The following RASAL2 variants were observed in gnomAD, a reference collection of about 807,000 sequenced individuals.
RASAL2 encodes the protein ras GTPase-activating protein nGAP.
RASAL2 carries 58 observed loss-of-function variants against 128.9 expected under a neutral mutation model. The ratio of observed to expected loss-of-function variants is 0.45; its 90% CI spans 0.36 to 0.56. The LOEUF (loss-of-function observed/expected upper bound fraction) is 0.56, where lower values mean the gene tolerates loss of function less well. Ranked by LOEUF, RASAL2 falls within the 20% of genes least tolerant of loss-of-function variation. The pLI is 0.00. For missense variants in RASAL2, 1,360 were observed against 1,601.6 expected, an observed-to-expected ratio of 0.85 and a Z score of 2.57; for synonymous variants, 561 against 580.8, an observed-to-expected ratio of 0.97 and a Z score of 0.49.
intron 2 of RASAL2, among the ~76,000 whole-genome samples, chr1:178,296,877 G>A (rs956846962): frequency 6.6e-6 from 1 of 151,644 alleles, no homozygotes; most frequent in African/African-American, 2.4e-5. Flanking sequence ...TCACCATGTT[G>A]GTCAGGCTGG....
At chr1:178,273,566 A>G (rs373016471) in intron 1 of RASAL2, among the ~76,000 whole-genome samples, 2 of 152,178 alleles carry the variant, frequency 1.3e-5, no homozygotes, top group African/African-American at 4.8e-5. Flanking sequence ...GAACTTTCTG[A>G]TGGATTACGT....
chr1:178,367,284 A>G (rs550201455), intron 3 of RASAL2, among the ~76,000 whole-genome samples: 14 of 152,052 alleles, frequency 9.2e-5, no homozygotes, highest in Admixed American at 5.2e-4. Context: ...TTTTATTGGT[A>G]GTTCCTTCTT....
At chr1:178,429,367 C>T (rs1675737160) in intron 5 of RASAL2, among the ~76,000 whole-genome samples, 1 of 152,110 alleles carries the variant, frequency 6.6e-6, no homozygotes, top group Non-Finnish European at 1.5e-5. Context: ...ATCTTTTACC[C>T]TTCTCCCTTG....
rs1411600493 is a variant in RASAL2 at position 178,162,375 on chromosome 1, ATATT to A, written c.202+67685_202+67688del. On this transcript the variant is annotated intron_variant, in intron 1 of 17. Coordinates refer to ENST00000367649, the MANE Select transcript of RASAL2 (RefSeq NM_170692.4). ...ATAATATATAATATACATATAATAT[ATATT>A]TATATATTATATATATTATATATTT... Among the ~76,000 whole-genome samples the A allele has an allele frequency of 5.0e-5, 6 of 119,700 alleles. No individual in the cohort carries two copies. The East Asian group carries it at 6.2e-4, about 12-fold the overall frequency. 78.5% of individuals were successfully genotyped at this position (119,700 alleles called of 152,430 possible).
At chr1:178,468,475 A>G (rs1198962351) in intron 17 of RASAL2, among the ~76,000 whole-genome samples, 2 of 152,194 alleles carry the variant, frequency 1.3e-5, no homozygotes, top group African/African-American at 4.8e-5. Context: ...TACAGAGTCC[A>G]TGTGGAATGG....
At chr1:178,153,562 A>G (rs1388136813) in intron 1 of RASAL2, among the ~76,000 whole-genome samples, 4 of 152,180 alleles carry the variant, frequency 2.6e-5, no homozygotes, top group South Asian at 2.1e-4. Context: ...GAATCATACA[A>G]TATGTGTTCT....
chr1:178,276,337 T>A lies in RASAL2; in HGVS notation c.203-7227T>A, dbSNP rs141916994. ...GGATAAAATAAGTAAAATTAAACTTTACTTTAAGTGACCTGACTGGATTTT... is the reference window on the plus strand; with the variant it reads ...GGATAAAATAAGTAAAATTAAACTTAACTTTAAGTGACCTGACTGGATTTT... On this transcript the variant is annotated intron_variant, in intron 1 of 17. Coordinates refer to ENST00000367649, the MANE Select transcript of RASAL2 (RefSeq NM_170692.4). Among the ~76,000 whole-genome samples, 395 of 152,298 alleles carry A rather than the reference T, an allele frequency of 2.6e-3. 1 individual carries two copies. The highest frequency in any genetic ancestry group is 3.8e-3 in the Non-Finnish European group (260 of 68,014).
In RASAL2 at chr1:178,115,466, A is replaced by T. The variant is rs556457275; in HGVS notation, c.202+20772A>T. Reference sequence around the variant, plus strand: ...AGGAAGTGACATTTGTACTAAGACCAAAAGGGTGAATAGGAGTTAACTAGG... The same window carrying T: ...AGGAAGTGACATTTGTACTAAGACCTAAAGGGTGAATAGGAGTTAACTAGG... On this transcript the variant is annotated intron_variant, in intron 1 of 17. Coordinates refer to ENST00000367649, the MANE Select transcript of RASAL2 (RefSeq NM_170692.4). Among the ~76,000 whole-genome samples, 3 of 152,318 alleles carry T rather than the reference A, an allele frequency of 2.0e-5. No individual in the cohort carries two copies. The East Asian group carries it at 5.8e-4, about 29-fold the overall frequency.
chr1:178,140,633 CTT>C (rs1158161755), intron 1 of RASAL2, among the ~76,000 whole-genome samples: 2 of 152,098 alleles, frequency 1.3e-5, no homozygotes, highest in African/African-American at 4.8e-5. Flanking sequence ...TCCTCCATGA[CTT>C]TTTGTGGCTT....
chr1:178,472,394 G>T (rs1648357728), intron 17 of RASAL2, among the ~76,000 whole-genome samples: 2 of 152,054 alleles, frequency 1.3e-5, no homozygotes, highest in South Asian at 4.2e-4. Flanking sequence ...AGCTGGAATG[G>T]GTCTAGGAGC....
At chr1:178,268,061 G>C (rs1008226866) in intron 1 of RASAL2, among the ~76,000 whole-genome samples, 1 of 151,556 alleles carries the variant, frequency 6.6e-6, no homozygotes, top group Non-Finnish European at 1.5e-5. Flanking sequence ...GCCAGGCATA[G>C]TGGTTCACAC....
At chr1:178,313,770 G>C (rs11800044) in intron 3 of RASAL2, among the ~76,000 whole-genome samples, 1 of 152,132 alleles carries the variant, frequency 6.6e-6, no homozygotes, top group Non-Finnish European at 1.5e-5. Flanking sequence ...AATTAGCTAA[G>C]TCTTTTCTCA....
At chr1:178,457,017 C>T (rs1359994067) in intron 13 of RASAL2, 118 bp downstream of exon 13, 1 of 956,838 alleles carries the variant, frequency 1.0e-6, no homozygotes, top group Non-Finnish European at 1.5e-6. Context: ...ACTGAAGACT[C>T]ATCTGACCTG....
intron 1 of RASAL2, among the ~76,000 whole-genome samples, chr1:178,235,336 CAAGT>C (rs1039570175): frequency 6.6e-6 from 1 of 152,140 alleles, no homozygotes; most frequent in Non-Finnish European, 1.5e-5. Context: ...CAGTTTTTAG[CAAGT>C]ATACCAAGCT....
Position 178,443,219 on chromosome 1 carries a change from G to C in RASAL2, c.1472G>C (p.Gly491Ala). 6.2e-7 allele frequency: 1 copy of C among 1,604,372 alleles called. No homozygotes were observed. Among genetic ancestry groups the C allele is most frequent in the South Asian group, 1.1e-5 (1 of 90,598 alleles). ...CALVHILQST[G>A]RAKDFLTDLV... The stretch of plus-strand genomic sequence containing the variant: ...TTAGTGCACATTCTTCAAAGTACTG[G>C]CAGAGCCAAGGTAAGTGGAAAAGGG... The change falls in exon 8 of 18, where the codon GGC becomes GCC. Residue 491 changes from glycine (G) to alanine (A), a missense_variant. By Grantham distance (60) the Gly-to-Ala change is moderately conservative. Coordinates refer to ENST00000367649, the MANE Select transcript of RASAL2 (RefSeq NM_170692.4).
intron 1 of RASAL2, among the ~76,000 whole-genome samples, chr1:178,247,405 T>C (rs774034767): frequency 6.6e-6 from 1 of 152,176 alleles, no homozygotes; most frequent in Non-Finnish European, 1.5e-5. Context: ...TTTATATTTC[T>C]GTGGGATCAG....
chr1:178,286,665 G>C (rs1309795098), intron 2 of RASAL2, among the ~76,000 whole-genome samples: 1 of 152,234 alleles, frequency 6.6e-6, no homozygotes, highest in African/African-American at 2.4e-5. Flanking sequence ...ACCCGCCTCA[G>C]CCTCCCAAAG....
intron 1 of RASAL2, among the ~76,000 whole-genome samples, chr1:178,249,557 C>T (rs2102078960): frequency 6.6e-6 from 1 of 152,156 alleles, no homozygotes; most frequent in East Asian, 1.9e-4. Flanking sequence ...TCGTCAAACT[C>T]ATTCTCTGTC....
At position 178,451,683 on chromosome 1, in the gene RASAL2, G is replaced by A. The variant is rs770919688; in HGVS notation, c.1740G>A (p.Glu580=). ...DHQSNLKMCC[E]LAFCKIINSY... ...AGAGCAACCTGAAAATGTGCTGTGA[G>A]CTGGCTTTCTGCAAGATCATCAACT... The change falls in exon 10 of 18, where the codon GAG becomes GAA. Residue 580 remains glutamate, a synonymous_variant. Transcript: ENST00000367649. 5 of 1,613,738 alleles carry A rather than the reference G, an allele frequency of 3.1e-6. No individual in the cohort carries two copies. Among genetic ancestry groups the A allele is most frequent in the Non-Finnish European group, 4.2e-6 (5 of 1,179,762 alleles).
Sources: gnomAD v4.1 joint callset for allele counts (sites outside exome capture counted in the v4.1 genomes callset) on GRCh38, gnomAD v4.1.1 for gene constraint, MANE v1.5 for transcripts, NCBI Gene and HGNC (gene_info 2026-07-23, HGNC 2026-07-21) for gene names.